SLC25A40: variants seen among roughly 807,000 people sequenced by gnomAD.
SLC25A40 encodes mitochondrial glutathione transporter SLC25A40.
In SLC25A40, 41 loss-of-function variants were observed where a neutral mutation model predicts 46.5. That is an observed-to-expected ratio of 0.88 (90% CI 0.69 to 1.14). The LOEUF (loss-of-function observed/expected upper bound fraction) is 1.14. Ranked by LOEUF, SLC25A40 falls within the 50% of genes most tolerant of loss-of-function variation. The probability of loss-of-function intolerance (pLI) is 0.00; values close to 1 mark genes in which losing one functional copy is unlikely to be tolerated. For missense variants in SLC25A40, 386 were observed against 393.6 expected (o/e 0.98, Z 0.16); for synonymous variants, 126 against 127.5 (o/e 0.99, Z 0.08).
In SLC25A40 at chr7:87,858,705, T is replaced by G; in HGVS notation, c.23A>C (p.Gln8Pro). 1 of 1,612,384 alleles carries G rather than the reference T, an allele frequency of 6.2e-7. No individual in the cohort carries two copies. The highest frequency in any genetic ancestry group is 2.2e-5 in the East Asian group (1 of 44,858). ...AAGAGGTGTCACTTTGATAATCTCT[T>G]GTCCCCTTGTCTCAGGATCCATATT... MDPETRG[Q>P]EIIKVTPLQQ... is the part of the protein sequence containing the mutation. The change falls in exon 3 of 12, where the codon CAA (glutamine) becomes CCA (proline). Residue 8 changes from glutamine to proline, a missense_variant. Physicochemically the swap from Gln to Pro is moderately conservative, Grantham distance 76 (BLOSUM62 -1). Transcript: ENST00000341119.
intron 7 of SLC25A40, among the ~76,000 whole-genome samples, chr7:87,847,514 A>G (rs1838439717): frequency 6.6e-6 from 1 of 152,070 alleles, no homozygotes; most frequent in Non-Finnish European, 1.5e-5. Flanking sequence ...TCTGAATCCC[A>G]AAGTTTATAA....
chr7:87,858,898 G>A, intron 2 of SLC25A40, 147 bp from the exon 3 acceptor site: 1 of 602,180 alleles, frequency 1.7e-6, no homozygotes, highest in Non-Finnish European at 2.9e-6. Flanking sequence ...AATGAAAGCA[G>A]GTGACCACTA....
At chr7:87,873,020 C>A (rs1838918879) in intron 1 of SLC25A40, among the ~76,000 whole-genome samples, 1 of 152,162 alleles carries the variant, frequency 6.6e-6, no homozygotes, top group African/African-American at 2.4e-5. Context: ...TAACCTTAAG[C>A]CCTCCAATTC....
Position 87,836,360 on chromosome 7 carries a change from G to T in SLC25A40, c.906C>A (p.Gly302=), listed in dbSNP as rs753835874. The change falls in exon 12 of 12, where the codon GGC becomes GGA. Residue 302 remains glycine (G), a splice_region_variant and synonymous_variant. Transcript: ENST00000341119. The part of the protein sequence containing the change: ...AKNGFSGLFS[G]LIPRLIKIAP... ...CAATTTTAATTAAGCGAGGAATTAGGCCTGAGAAAAGAATAGGAATAATCA... is the reference window on the plus strand; with the variant it reads ...CAATTTTAATTAAGCGAGGAATTAGTCCTGAGAAAAGAATAGGAATAATCA... 1.3e-5 allele frequency: 20 copies of T among 1,511,440 alleles called. No homozygotes were observed. Among genetic ancestry groups the T allele is most frequent in the Non-Finnish European group, 1.7e-5 (19 of 1,131,570 alleles). 93.6% of individuals were successfully genotyped at this position (1,511,440 alleles called of 1,614,324 possible). A position where few individuals can be genotyped will look rare whatever the true frequency, so the allele number is the denominator to read the frequency against.
At chr7:87,859,538 CACATT>C (rs1272981450) in intron 2 of SLC25A40, among the ~76,000 whole-genome samples, 2 of 152,120 alleles carry the variant, frequency 1.3e-5, no homozygotes, top group African/African-American at 4.8e-5. Context: ...TCTATACACA[CACATT>C]ACATCTAACC....
chr7:87,846,264 C>T (rs1458062519), intron 8 of SLC25A40, among the ~76,000 whole-genome samples: 1 of 151,428 alleles, frequency 6.6e-6, no homozygotes, highest in South Asian at 2.1e-4. Flanking sequence ...GGGGTTGTGA[C>T]AGTGAAAGAA....
In SLC25A40 at chr7:87,858,654, C is replaced by G; in HGVS notation, c.74G>C (p.Gly25Ala). ...ACCTATTACTGATGTCAGTATAGCT[C>G]CAGTACATGAGGCAAGCATTTGTTG... is the stretch of plus-strand genomic sequence containing the variant. Reference protein sequence around the residue: ...PLQQMLASCTGAILTSVIVTP... With the variant: ...PLQQMLASCTAAILTSVIVTP... The change falls in exon 3 of 12, where the codon GGA becomes GCA. Residue 25 changes from glycine (G) to alanine (A), a missense_variant. Coordinates refer to ENST00000341119, the MANE Select transcript of SLC25A40 (RefSeq NM_018843.4). 1 of 1,604,404 alleles carries G rather than the reference C, an allele frequency of 6.2e-7. No homozygotes were observed. The highest frequency in any genetic ancestry group is 2.2e-5 in the East Asian group (1 of 44,828).
Position 87,847,980 on chromosome 7 carries a change from GTTAGAT to G in SLC25A40, c.333-9_333-4del. Reference sequence around the variant, plus strand: ...CTGTGGCAGGAACTGCCATCACTCTGTTAGATCACACAAAAAGATTTGTTCAAAATT... The same window carrying G: ...CTGTGGCAGGAACTGCCATCACTCTGCACACAAAAAGATTTGTTCAAAATT... On this transcript the variant is annotated splice_polypyrimidine_tract_variant and splice_region_variant and intron_variant, in intron 6 of 11. Coordinates refer to ENST00000341119, the MANE Select transcript of SLC25A40 (RefSeq NM_018843.4). 6.3e-7 allele frequency: 1 copy of G among 1,596,926 alleles called. No individual in the cohort carries two copies. The highest frequency in any genetic ancestry group is 1.7e-4 in the Middle Eastern group (1 of 5,954).
At chr7:87,863,040 A>C (rs898302114) in intron 1 of SLC25A40, among the ~76,000 whole-genome samples, 6 of 152,160 alleles carry the variant, frequency 3.9e-5, no homozygotes, top group African/African-American at 1.4e-4. Context: ...CTGGCCAATA[A>C]AGATGCTTAA....
chr7:87,847,210 T>C, intron 7 of SLC25A40, 88 bp from the exon 8 acceptor site: 1 of 1,026,902 alleles, frequency 9.7e-7, no homozygotes. Context: ...TATTCACAGA[T>C]TTTATATTTT....
At chr7:87,837,096 G>A (rs1218139664) in intron 10 of SLC25A40, 1 of 173,668 alleles carries the variant, frequency 5.8e-6, no homozygotes, top group Non-Finnish European at 1.2e-5. Flanking sequence ...TCTTAAACTT[G>A]ATGGTAGTTA....
At chr7:87,875,165 T>C (rs1002923429) in intron 1 of SLC25A40, among the ~76,000 whole-genome samples, 6 of 152,228 alleles carry the variant, frequency 3.9e-5, no homozygotes, top group Admixed American at 3.9e-4. Flanking sequence ...CAGAAATATT[T>C]TATTGGAGAG....
At chr7:87,865,781 A>T (rs975867041) in intron 1 of SLC25A40, among the ~76,000 whole-genome samples, 55 of 151,874 alleles carry the variant, frequency 3.6e-4, no homozygotes, top group African/African-American at 1.2e-3. Context: ...CGGGGGGAAA[A>T]AAAAAGAATA....
chr7:87,847,728 A>T (rs2131002670), intron 7 of SLC25A40, 125 bp downstream of exon 7: 1 of 937,300 alleles, frequency 1.1e-6, no homozygotes, highest in East Asian at 3.1e-5. Flanking sequence ...ACAAATTAAT[A>T]TAAACTATAA....
chr7:87,851,030 T>C (rs28449219), intron 5 of SLC25A40, among the ~76,000 whole-genome samples: 15,944 of 152,124 alleles, frequency 0.1, 1,048 homozygotes, highest in African/African-American at 0.19. Context: ...AGTTATCACA[T>C]GACTCAGTAA....
At chr7:87,836,945 G>A in intron 10 of SLC25A40, 135 bp from the exon 11 acceptor site, 1 of 442,920 alleles carries the variant, frequency 2.3e-6, no homozygotes, top group Non-Finnish European at 3.9e-6. Context: ...TACCTAAAAA[G>A]CTACTTTAAG....
In SLC25A40 at chr7:87,834,215, G is replaced by A. The variant is rs541508782; in HGVS notation, c.*2034C>T. 2 of 151,604 alleles carry A rather than the reference G, an allele frequency of 1.3e-5. No individual in the cohort carries two copies. Among genetic ancestry groups the A allele is most frequent in the South Asian group, 4.2e-4 (2 of 4,794 alleles). The allele number at this position is 151,604 out of a possible 1,614,324, so 9.4% of individuals were successfully genotyped here. A position where few individuals can be genotyped will look rare whatever the true frequency, so the allele number is the denominator to read the frequency against. ...AATTTATATACTGAAGTAAAACCTG[G>A]GAATATTCATCATGCCAATTATAGT... On this transcript the variant is annotated 3_prime_UTR_variant, in exon 12 of 12. Coordinates refer to ENST00000341119, the MANE Select transcript of SLC25A40 (RefSeq NM_018843.4).
At chr7:87,844,680 G>A (rs925693413) in intron 8 of SLC25A40, among the ~76,000 whole-genome samples, 3 of 151,960 alleles carry the variant, frequency 2.0e-5, no homozygotes, top group South Asian at 2.1e-4. Flanking sequence ...ATAACAGAAT[G>A]TTAAAACATA....
intron 6 of SLC25A40, among the ~76,000 whole-genome samples, chr7:87,849,197 C>T (rs1318947463): frequency 6.6e-6 from 1 of 152,136 alleles, no homozygotes; most frequent in Non-Finnish European, 1.5e-5. Flanking sequence ...TTACCATATG[C>T]TTGTGTAGCA....
Sources: allele counts gnomAD v4.1 joint callset (sites outside exome capture counted in the v4.1 genomes callset), GRCh38; gene constraint gnomAD v4.1.1; transcripts MANE v1.5; gene names NCBI Gene and HGNC (gene_info 2026-07-23, HGNC 2026-07-21).